PPP6C: variants seen among roughly 807,000 people sequenced by gnomAD.
PPP6C encodes serine/threonine-protein phosphatase 6 catalytic subunit.
In PPP6C, 11 loss-of-function variants were observed where a neutral mutation model predicts 39.8. The ratio of observed to expected loss-of-function variants is 0.28; its 90% CI spans 0.17 to 0.46. The LOEUF (loss-of-function observed/expected upper bound fraction) is 0.46. Ranked by LOEUF, PPP6C falls within the 20% of genes least tolerant of loss-of-function variation. The probability of loss-of-function intolerance (pLI) is 1.00; values close to 1 mark genes in which losing one functional copy is unlikely to be tolerated. For missense variants in PPP6C, 211 were observed against 373.9 expected, an observed-to-expected ratio of 0.56 and a Z score of 3.59; for synonymous variants, 129 against 130.3, an observed-to-expected ratio of 0.99 and a Z score of 0.07.
rs1829042737 is a variant in PPP6C at position 125,167,391 on chromosome 9, A to AAAAG, written c.171+3693_171+3694insCTTT. On this transcript the variant is annotated intron_variant, in intron 2 of 6. Transcript: ENST00000373547. Reference sequence around the variant, plus strand: ...GCGAGACCCTGTCCAAAAAAAAAAAAAAAAAAAAGAAATAAAAAAAAGGCC... The same window carrying AAAAG: ...GCGAGACCCTGTCCAAAAAAAAAAAAAAAGAAAAAAAAGAAATAAAAAAAAGGCC... Among the ~76,000 whole-genome samples, 3 of 148,276 alleles carry AAAAG rather than the reference A, an allele frequency of 2.0e-5. No individual in the cohort carries two copies. The South Asian group carries it at 6.4e-4, about 32-fold the overall frequency.
At chr9:125,169,628 G>A (rs1293535065) in intron 2 of PPP6C, among the ~76,000 whole-genome samples, 1 of 151,598 alleles carries the variant, frequency 6.6e-6, no homozygotes, top group African/African-American at 2.4e-5. Context: ...CTACACTGGG[G>A]GAAAACATGA....
chr9:125,172,717 ACAAAC>A (rs1401359419), intron 1 of PPP6C, among the ~76,000 whole-genome samples: 5 of 66,418 alleles, frequency 7.5e-5, no homozygotes, highest in African/African-American at 2.4e-4. Context: ...CTGAATACAC[ACAAAC>A]ACACACACAC....
intron 1 of PPP6C, among the ~76,000 whole-genome samples, chr9:125,184,521 C>T (rs898369343): frequency 2.0e-5 from 3 of 151,206 alleles, no homozygotes; most frequent in Non-Finnish European, 2.9e-5. Flanking sequence ...TGCACCACTG[C>T]ACTCCACCCT....
chr9:125,158,160 C>G lies in PPP6C; in HGVS notation c.379+81G>C, dbSNP rs754304528. 2.3e-4 allele frequency: 306 copies of G among 1,338,796 alleles called. No individual in the cohort carries two copies. The Middle Eastern group carries it at 3.7e-3, about 16-fold the overall frequency. 82.9% of individuals were successfully genotyped at this position (1,338,796 alleles called of 1,614,324 possible). A position where few individuals can be genotyped will look rare whatever the true frequency, so the allele number is the denominator to read the frequency against. On this transcript the variant is annotated intron_variant, in intron 4 of 6. Coordinates refer to ENST00000373547, the MANE Select transcript of PPP6C (RefSeq NM_002721.5). ...TGTGGGGAAAATAATATACATAAAGCATGTGTATGACTTGTGTAGCTTTGT... is the reference window on the plus strand; with the variant it reads ...TGTGGGGAAAATAATATACATAAAGGATGTGTATGACTTGTGTAGCTTTGT...
chr9:125,185,688 C>T (rs551928545), intron 1 of PPP6C, among the ~76,000 whole-genome samples: 35 of 147,658 alleles, frequency 2.4e-4, no homozygotes, highest in Middle Eastern at 3.8e-3. Flanking sequence ...AGCAAGACTC[C>T]GTCTCAAAAA....
At chr9:125,166,835 TA>T (rs1218507958) in intron 2 of PPP6C, among the ~76,000 whole-genome samples, 2 of 152,132 alleles carry the variant, frequency 1.3e-5, no homozygotes, top group African/African-American at 4.8e-5. Context: ...TTTCCTTGAG[TA>T]AACTATCTTT....
At chr9:125,187,501 C>G (rs1829555736) in intron 1 of PPP6C, among the ~76,000 whole-genome samples, 1 of 151,872 alleles carries the variant, frequency 6.6e-6, no homozygotes, top group Admixed American at 6.6e-5. Flanking sequence ...TCAGTCTGGT[C>G]TCAAACTCCT....
At chr9:125,165,001 T>C (rs1185976433) in intron 2 of PPP6C, among the ~76,000 whole-genome samples, 8 of 152,136 alleles carry the variant, frequency 5.3e-5, no homozygotes, top group Admixed American at 5.2e-4. Flanking sequence ...CCTCCCACAG[T>C]GCTGGGATTA....
chr9:125,155,805 G>T (rs1004456419), intron 4 of PPP6C, among the ~76,000 whole-genome samples: 2 of 151,464 alleles, frequency 1.3e-5, no homozygotes, highest in East Asian at 3.9e-4. Flanking sequence ...CTTGGGAGGC[G>T]GAGGCAGGAG....
intron 1 of PPP6C, among the ~76,000 whole-genome samples, chr9:125,184,986 AAAC>A (rs1829496294): frequency 6.6e-6 from 1 of 151,536 alleles, no homozygotes; most frequent in African/African-American, 2.4e-5. Context: ...AAAAAAAAAA[AAAC>A]CTCAGGTAAA....
At chr9:125,188,953 T>C (rs1301910940) in intron 1 of PPP6C, 1 of 1,546,940 alleles carries the variant, frequency 6.5e-7, no homozygotes, top group East Asian at 2.4e-5. Flanking sequence ...AAATACTGAG[T>C]TAAGAAGGGG....
chr9:125,151,655 T>C lies in PPP6C; in HGVS notation c.670-1734A>G, dbSNP rs540026517. The C allele has an allele frequency of 2.2e-5, 13 of 594,226 alleles. No homozygotes were observed. The Admixed American group carries it at 2.7e-4, about 13-fold the overall frequency. The allele number at this position is 594,226 out of a possible 1,614,324, so 36.8% of individuals were successfully genotyped here. On this transcript the variant is annotated intron_variant, in intron 6 of 6. Transcript: ENST00000373547. ...CCCACCCCTTGTTTTCCCTTGGTATTTGATGACGAATTCAGCAGAAGACCC... is the reference window on the plus strand; with the variant it reads ...CCCACCCCTTGTTTTCCCTTGGTATCTGATGACGAATTCAGCAGAAGACCC...
chr9:125,188,197 A>T (rs1829573392), intron 1 of PPP6C, among the ~76,000 whole-genome samples: 1 of 151,698 alleles, frequency 6.6e-6, no homozygotes, highest in Non-Finnish European at 1.5e-5. Flanking sequence ...CATCCTGGCT[A>T]ACACGGTGAA....
Position 125,189,081 on chromosome 9 carries a change from A to C in PPP6C, c.75+563T>G, listed in dbSNP as rs904411724. ...AATTAGCAAAACCGACGATCCTAAA[A>C]AGCAATTTGGAGGAGTGGCAATGAA... On this transcript the variant is annotated intron_variant, in intron 1 of 6. Coordinates refer to ENST00000373547, the MANE Select transcript of PPP6C (RefSeq NM_002721.5). The C allele has an allele frequency of 7.6e-6, 5 of 655,126 alleles. No homozygotes were observed. The African/African-American group carries it at 9.1e-5, about 12-fold the overall frequency. 40.6% of individuals were successfully genotyped at this position (655,126 alleles called of 1,614,324 possible).
At chr9:125,164,715 A>C (rs191598105) in intron 2 of PPP6C, among the ~76,000 whole-genome samples, 3 of 151,964 alleles carry the variant, frequency 2.0e-5, no homozygotes, top group Admixed American at 6.6e-5. Flanking sequence ...GGAACTACAT[A>C]TATGTACCAC....
intron 6 of PPP6C, chr9:125,150,549 C>T (rs1312363228): frequency 3.8e-6 from 2 of 528,248 alleles, no homozygotes; most frequent in South Asian, 1.5e-5. Context: ...GGAGTAGCAT[C>T]GCAAAGAGAT....
chr9:125,151,447 C>G lies in PPP6C; in HGVS notation c.670-1526G>C. 3 of 806,560 alleles carry G rather than the reference C, an allele frequency of 3.7e-6. No individual in the cohort carries two copies. The South Asian group carries it at 4.1e-5, about 11-fold the overall frequency. The allele number at this position is 806,560 out of a possible 1,614,324, so 50.0% of individuals were successfully genotyped here. A position where few individuals can be genotyped will look rare whatever the true frequency, so the allele number is the denominator to read the frequency against. ...ACGCATGCTTTAAAGCAGTAGTAGT[C>G]ACCAATAACATACCCCAGGAGGACA... On this transcript the variant is annotated intron_variant, in intron 6 of 6. Transcript: ENST00000373547.
intron 2 of PPP6C, among the ~76,000 whole-genome samples, chr9:125,163,493 C>T (rs144093380): frequency 2.0e-5 from 3 of 152,244 alleles, no homozygotes; most frequent in Admixed American, 6.5e-5. Context: ...TGCAATGGTG[C>T]GATCTCGGCT....
At chr9:125,158,538 C>A (rs1836135840) in intron 3 of PPP6C, among the ~76,000 whole-genome samples, 156 bp from the exon 4 acceptor site, 3 of 152,040 alleles carry the variant, frequency 2.0e-5, no homozygotes, top group Admixed American at 2.0e-4. Context: ...ATAAAATACA[C>A]GTAAACAAAT....
Sources: gnomAD v4.1 joint callset for allele counts (sites outside exome capture counted in the v4.1 genomes callset) on GRCh38, gnomAD v4.1.1 for gene constraint, MANE v1.5 for transcripts, NCBI Gene and HGNC (gene_info 2026-07-23, HGNC 2026-07-21) for gene names.